The following FYB2 variants were observed in gnomAD, a reference collection of about 807,000 sequenced individuals.
FYB2 encodes FYN-binding protein 2.
A neutral mutation model predicts 94.1 loss-of-function variants in FYB2; 103 were observed. The ratio of observed to expected loss-of-function variants is 1.09; its 90% CI spans 0.93 to 1.29. FYB2 has a LOEUF of 1.29. Among genes scored for constraint, FYB2 ranks in the 50% most tolerant of loss-of-function variants. The pLI, the probability that FYB2 is intolerant of heterozygous loss-of-function variation, is 0.00. For synonymous variants in FYB2, 293 were observed against 287.9 expected (o/e 1.02, Z -0.18); for missense variants, 896 against 841.5 (o/e 1.06, Z -0.80).
intron 1 of FYB2, among the ~76,000 whole-genome samples, chr1:56,807,385 G>A (rs2101059271): frequency 6.6e-6 from 1 of 152,310 alleles, no homozygotes; most frequent in Admixed American, 6.5e-5. Context: ...AAAGAAATCA[G>A]AGACACCATT....
Position 56,738,637 on chromosome 1 carries a change from G to A in FYB2, c.1720C>T (p.Leu574=), listed in dbSNP as rs748398273. The change falls in exon 14 of 20, where the codon CTG becomes TTG. Residue 574 remains leucine, a synonymous_variant. Transcript: ENST00000343433. ...AAATGGCACTTACCTAAATCAGGCA[G>A]CAAAATGGAAAATGCACTGTTGATT... ...KENLSAFSIL[L]PDLELKSQEV... is the part of the protein sequence containing the mutation. The A allele has an allele frequency of 1.1e-5, 18 of 1,610,282 alleles. No homozygotes were observed. The South Asian group carries it at 2.0e-4, about 18-fold the overall frequency.
intron 7 of FYB2, among the ~76,000 whole-genome samples, 188 bp from the exon 8 acceptor site, chr1:56,754,123 A>G (rs187984950): frequency 2.0e-5 from 3 of 152,026 alleles, no homozygotes; most frequent in Non-Finnish European, 2.9e-5. Flanking sequence ...GCCTGTTCCA[A>G]TTAATGCCAC....
At chr1:56,816,078 A>G (rs1204690716) in intron 1 of FYB2, among the ~76,000 whole-genome samples, 2 of 152,222 alleles carry the variant, frequency 1.3e-5, no homozygotes, top group Admixed American at 1.3e-4. Context: ...AGAAGGATAT[A>G]TATAATTGTC....
chr1:56,731,696 C>T (rs939381910), intron 15 of FYB2, among the ~76,000 whole-genome samples: 1 of 151,948 alleles, frequency 6.6e-6, no homozygotes, highest in African/African-American at 2.4e-5. Flanking sequence ...TCAACATAGG[C>T]AAATCAATAA....
chr1:56,822,724 G>A (rs6588652), upstream of FYB2, among the ~76,000 whole-genome samples: 40,112 of 144,444 alleles, frequency 0.28, 5,461 homozygotes, highest in Middle Eastern at 0.31. Context: ...ATAAGCAATG[G>A]TGTGAAACAG....
rs1436005660 is a variant in FYB2 at position 56,793,495 on chromosome 1, T to A, written c.10-692A>T. 2.0e-5 allele frequency among the ~76,000 whole-genome samples: 3 copies of A among 152,302 alleles called. No individual in the cohort carries two copies. In the East Asian group the frequency reaches 5.8e-4, roughly 30 times the overall value. ...CATAAACAGAAAACCAACTACTGCA[T>A]GTTCTCACTTACAAGTAGGAGCTAA... On this transcript the variant is annotated intron_variant, in intron 1 of 19. Transcript: ENST00000343433.
At chr1:56,749,103 A>T (rs1223763967) in intron 9 of FYB2, among the ~76,000 whole-genome samples, 1 of 150,900 alleles carries the variant, frequency 6.6e-6, no homozygotes, top group African/African-American at 2.4e-5. Context: ...TCTGTTTTTA[A>T]GGTCTTTTAA....
At chr1:56,817,555 A>G (rs1646911604) in intron 1 of FYB2, among the ~76,000 whole-genome samples, 1 of 152,234 alleles carries the variant, frequency 6.6e-6, no homozygotes, top group Non-Finnish European at 1.5e-5. Flanking sequence ...GAAGGCAGGT[A>G]TCTTCAACCG....
At chr1:56,816,580 A>C (rs764172783) in intron 1 of FYB2, among the ~76,000 whole-genome samples, 21 of 152,328 alleles carry the variant, frequency 1.4e-4, no homozygotes, top group Non-Finnish European at 2.8e-4. Context: ...ATGTCAGAGA[A>C]TGTGAGGCCA....
intron 14 of FYB2, among the ~76,000 whole-genome samples, chr1:56,738,010 T>G (rs1392399501): frequency 6.6e-6 from 1 of 152,116 alleles, no homozygotes; most frequent in East Asian, 1.9e-4. Context: ...GGTAGCCACA[T>G]AGCTAGAACC....
intron 1 of FYB2, among the ~76,000 whole-genome samples, chr1:56,816,005 A>G (rs538740074): frequency 6.6e-6 from 1 of 152,324 alleles, no homozygotes; most frequent in African/African-American, 2.4e-5. Context: ...ACAAAATTCT[A>G]TAGGGTTCAC....
intron 7 of FYB2, among the ~76,000 whole-genome samples, chr1:56,755,152 G>A (rs1557613673): frequency 1.3e-5 from 2 of 152,094 alleles, no homozygotes; most frequent in Non-Finnish European, 2.9e-5. Context: ...ACTACTATGT[G>A]CCAGGGCATT....
chr1:56,811,607 C>T (rs1426173421), intron 1 of FYB2, among the ~76,000 whole-genome samples: 1 of 152,192 alleles, frequency 6.6e-6, no homozygotes, highest in Non-Finnish European at 1.5e-5. Flanking sequence ...ACAGCAAGTA[C>T]CACAGACTAT....
chr1:56,735,393 A>G (rs1225987875), intron 15 of FYB2, among the ~76,000 whole-genome samples: 2 of 152,162 alleles, frequency 1.3e-5, no homozygotes, highest in Admixed American at 6.6e-5. Flanking sequence ...TCACTCATAT[A>G]TGAAAGCTAA....
At chr1:56,740,262 C>T (rs72668346) in intron 13 of FYB2, among the ~76,000 whole-genome samples, 1 of 152,188 alleles carries the variant, frequency 6.6e-6, no homozygotes, top group South Asian at 2.1e-4. Flanking sequence ...CTCATCTCCC[C>T]CTTCCACATA....
At chr1:56,797,249 G>A (rs1258729038) in intron 1 of FYB2, among the ~76,000 whole-genome samples, 1 of 152,148 alleles carries the variant, frequency 6.6e-6, no homozygotes, top group Non-Finnish European at 1.5e-5. Context: ...AGTGCACAGT[G>A]TATGAGGCTG....
intron 1 of FYB2, among the ~76,000 whole-genome samples, chr1:56,814,204 C>T (rs893416094): frequency 1.8e-4 from 27 of 152,218 alleles, no homozygotes; most frequent in Admixed American, 4.6e-4. Context: ...GGATGTGGTG[C>T]GGGTGAGGAG....
chr1:56,724,403 G>A (rs1047677238), intron 16 of FYB2, among the ~76,000 whole-genome samples: 1 of 152,014 alleles, frequency 6.6e-6, no homozygotes, highest in East Asian at 1.9e-4. Flanking sequence ...GCAGTTCAAT[G>A]TATTGACAGA....
intron 2 of FYB2, 57 bp downstream of exon 2, chr1:56,791,999 T>C: frequency 6.6e-7 from 1 of 1,512,662 alleles, no homozygotes; most frequent in Non-Finnish European, 8.8e-7. Context: ...GGTTTTCAAG[T>C]AGAAAAACAT....
Sources: allele counts gnomAD v4.1 joint callset (sites outside exome capture counted in the v4.1 genomes callset), GRCh38; gene constraint gnomAD v4.1.1; transcripts MANE v1.5; gene names NCBI Gene and HGNC (gene_info 2026-07-23, HGNC 2026-07-21).